TIAM2: variants seen among roughly 807,000 people sequenced by gnomAD.
The protein encoded by TIAM2 is TIAM Rac1 associated GEF 2, also known as rho guanine nucleotide exchange factor TIAM2.
Under a neutral mutation model 152.9 loss-of-function variants are expected in TIAM2, and 80 were observed. That is an observed-to-expected ratio of 0.52 (90% CI 0.44 to 0.63). TIAM2 has a LOEUF of 0.63. TIAM2 is among the 30% of genes least tolerant of loss of function. The pLI is 0.00. For synonymous variants in TIAM2, 804 were observed against 838.0 expected, an observed-to-expected ratio of 0.96 and a Z score of 0.70; for missense variants, 1,965 against 2,120.1, an observed-to-expected ratio of 0.93 and a Z score of 1.44.
chr6:155,137,539 C>T lies in TIAM2; in HGVS notation c.1557C>T (p.Val519=), dbSNP rs1399152848. The T allele has an allele frequency of 2.4e-5, 38 of 1,613,628 alleles. No individual in the cohort carries two copies. Among genetic ancestry groups the T allele is most frequent in the Non-Finnish European group, 3.2e-5 (38 of 1,180,018 alleles). The change falls in exon 5 of 27, where the codon GTC becomes GTT. Residue 519 remains valine, a synonymous_variant. Coordinates refer to ENST00000682666, the MANE Select transcript of TIAM2 (RefSeq NM_012454.4). ...GGTGGCTCTTCTTCAAGCCCCTGGT[C>T]ACTGTGCAGAAGGAAAGGAAGCTTG... is the stretch of plus-strand genomic sequence containing the variant. ...KAGWLFFKPL[V]TVQKERKLEL...
Position 155,069,127 on chromosome 6 carries a change from C to T in TIAM2, c.-208-21162C>T, listed in dbSNP as rs374463433. Among the ~76,000 whole-genome samples, 98 of 152,232 alleles carry T rather than the reference C, an allele frequency of 6.4e-4. No homozygotes were observed. In the South Asian group the frequency reaches 0.019, roughly 30 times the overall value. ...TTTATTTATTTAAGACAGAGTCTTG[C>T]TCTGTCACCCAGGCTGGAGTGCAGT... On this transcript the variant is annotated intron_variant, in intron 1 of 26. Transcript: ENST00000682666.
chr6:155,061,872 T>G (rs1202101217), intron 1 of TIAM2, among the ~76,000 whole-genome samples: 1 of 152,142 alleles, frequency 6.6e-6, no homozygotes, highest in Non-Finnish European at 1.5e-5. Flanking sequence ...TGGTGTACAG[T>G]TTTATGGGTT....
intron 1 of TIAM2, among the ~76,000 whole-genome samples, chr6:155,052,834 C>T (rs982803352): frequency 6.6e-6 from 1 of 151,642 alleles, no homozygotes; most frequent in African/African-American, 2.4e-5. Flanking sequence ...AAAATCTCTC[C>T]TCTCTGCAAT....
chr6:155,254,189 G>A, intron 25 of TIAM2, 129 bp downstream of exon 25: 6 of 1,066,622 alleles, frequency 5.6e-6, no homozygotes, highest in Non-Finnish European at 8.1e-6. Context: ...CTCCGAAAAA[G>A]GCAACTGAGG....
At chr6:155,092,306 C>T (rs1175027817) in intron 2 of TIAM2, among the ~76,000 whole-genome samples, 1 of 151,950 alleles carries the variant, frequency 6.6e-6, no homozygotes, top group African/African-American at 2.4e-5. Context: ...CTATGTTGCT[C>T]AGGCTGGTCT....
intron 21 of TIAM2, among the ~76,000 whole-genome samples, chr6:155,250,346 A>G (rs1465556617): frequency 6.6e-6 from 1 of 151,230 alleles, no homozygotes; most frequent in Non-Finnish European, 1.5e-5. Context: ...CTTACTTATA[A>G]AACTAGTCCA....
At chr6:155,236,878 A>G (rs1341928792) in intron 15 of TIAM2, among the ~76,000 whole-genome samples, 2 of 152,138 alleles carry the variant, frequency 1.3e-5, no homozygotes, top group African/African-American at 4.8e-5. Context: ...GAGCTACAAG[A>G]TGGGATTTAG....
intron 13 of TIAM2, 71 bp from the exon 14 acceptor site, chr6:155,183,165 CT>C (rs1045767757): frequency 6.5e-7 from 1 of 1,548,778 alleles, no homozygotes; most frequent in African/African-American, 1.4e-5. Context: ...AGTTTGCAGC[CT>C]TCTTTCATCT....
At chr6:155,056,258 G>T (rs376595951) in intron 1 of TIAM2, among the ~76,000 whole-genome samples, 1 of 136,106 alleles carries the variant, frequency 7.3e-6, no homozygotes, top group East Asian at 2.3e-4. Flanking sequence ...TGCAACCTCC[G>T]CTTGCTGGGT....
chr6:155,117,746 C>A (rs1779048896), intron 2 of TIAM2, among the ~76,000 whole-genome samples: 1 of 152,086 alleles, frequency 6.6e-6, no homozygotes, highest in African/African-American at 2.4e-5. Flanking sequence ...CCTGGCCTTT[C>A]ATATTCTCTC....
intron 2 of TIAM2, among the ~76,000 whole-genome samples, chr6:155,113,030 A>G (rs6936680): frequency 0.021 from 3,256 of 152,074 alleles, 119 homozygotes; most frequent in African/African-American, 0.074. Flanking sequence ...ATCCTTTTAA[A>G]ATGTCCCATG....
In TIAM2 at chr6:155,144,590, C is replaced by A. The variant is rs766809071; in HGVS notation, c.1631-16C>A. 1 of 1,496,890 alleles carries A rather than the reference C, an allele frequency of 6.7e-7. No homozygotes were observed. The highest frequency in any genetic ancestry group is 8.9e-7 in the Non-Finnish European group (1 of 1,129,184). The allele number at this position is 1,496,890 out of a possible 1,614,324, so 92.7% of individuals were successfully genotyped here. On this transcript the variant is annotated splice_polypyrimidine_tract_variant and intron_variant, in intron 5 of 26. Transcript: ENST00000682666. Reference sequence around the variant, plus strand: ...CAGGTCTGACCGGGATGTTATTTTGCTTCTCTGTTTCACAGGATGCACGCT... The same window carrying A: ...CAGGTCTGACCGGGATGTTATTTTGATTCTCTGTTTCACAGGATGCACGCT...
At chr6:155,152,688 T>C (rs1046393032) in intron 7 of TIAM2, among the ~76,000 whole-genome samples, 4 of 151,932 alleles carry the variant, frequency 2.6e-5, no homozygotes, top group African/African-American at 9.7e-5. Flanking sequence ...CTGACCATAA[T>C]CGTAGTCGAA....
At chr6:155,203,331 G>A (rs939602699) in intron 14 of TIAM2, among the ~76,000 whole-genome samples, 1 of 152,094 alleles carries the variant, frequency 6.6e-6, no homozygotes, top group African/African-American at 2.4e-5. Context: ...GAATTGAATA[G>A]GGTGATTTCT....
intron 5 of TIAM2, among the ~76,000 whole-genome samples, chr6:155,144,215 C>T (rs905458708): frequency 6.6e-6 from 1 of 152,174 alleles, no homozygotes; most frequent in Admixed American, 6.5e-5. Flanking sequence ...ATGTCCACAA[C>T]TTTGGCAAAA....
intron 1 of TIAM2, among the ~76,000 whole-genome samples, chr6:155,059,238 AC>A (rs1466057040): frequency 6.6e-6 from 1 of 150,942 alleles, no homozygotes; most frequent in East Asian, 1.9e-4. Flanking sequence ...TGACCTTGAC[AC>A]TTTTGATGAT....
chr6:155,058,122 G>A (rs1184150131), intron 1 of TIAM2, among the ~76,000 whole-genome samples: 1 of 152,100 alleles, frequency 6.6e-6, no homozygotes, highest in Non-Finnish European at 1.5e-5. Flanking sequence ...GCCAAAATAA[G>A]CCATTTCTCC....
intron 1 of TIAM2, among the ~76,000 whole-genome samples, chr6:155,068,752 A>G (rs936507431): frequency 6.6e-6 from 1 of 152,088 alleles, no homozygotes; most frequent in Non-Finnish European, 1.5e-5. Flanking sequence ...ATAACATTTT[A>G]CTTTTCGTGC....
chr6:155,098,885 G>T (rs1206787674), intron 2 of TIAM2, among the ~76,000 whole-genome samples: 2 of 152,146 alleles, frequency 1.3e-5, no homozygotes, highest in African/African-American at 4.8e-5. Context: ...GTAACACTTG[G>T]AGTTTATAAA....
Sources: gnomAD v4.1 joint callset for allele counts (sites outside exome capture counted in the v4.1 genomes callset) on GRCh38, gnomAD v4.1.1 for gene constraint, MANE v1.5 for transcripts, NCBI Gene and HGNC (gene_info 2026-07-23, HGNC 2026-07-21) for gene names.